Variants in PCDHGB4 observed in about 807,000 individuals in gnomAD.
The protein encoded by PCDHGB4 is protocadherin gamma-B4.
PCDHGB4 carries 38 observed loss-of-function variants against 60.5 expected under a neutral mutation model. The ratio of observed to expected loss-of-function variants is 0.63; its 90% CI spans 0.48 to 0.82. The LOEUF is 0.82. PCDHGB4 is among the 40% of genes least tolerant of loss of function. The pLI is 0.00. For missense variants in PCDHGB4, 1,109 were observed against 1,209.6 expected, an observed-to-expected ratio of 0.92 and a Z score of 1.23; for synonymous variants, 456 against 509.7, an observed-to-expected ratio of 0.89 and a Z score of 1.42.
chr5:141,427,985 C>A (rs747784722), intron 1 of PCDHGB4: 23 of 1,597,524 alleles, frequency 1.4e-5, no homozygotes, highest in Non-Finnish European at 1.9e-5. Context: ...CGCTGGGGCC[C>A]GATGGCTCCG....
At chr5:141,453,175 A>G (rs928062909) in intron 1 of PCDHGB4, among the ~76,000 whole-genome samples, 2 of 152,088 alleles carry the variant, frequency 1.3e-5, no homozygotes, top group African/African-American at 4.8e-5. Context: ...GTCCAGTGGT[A>G]CAATCACAGC....
At chr5:141,457,125 C>T (rs1011977795) in intron 1 of PCDHGB4, among the ~76,000 whole-genome samples, 3 of 152,236 alleles carry the variant, frequency 2.0e-5, no homozygotes, top group Admixed American at 6.5e-5. Flanking sequence ...GCAATGGAAA[C>T]TCTGTCCAAT....
intron 1 of PCDHGB4, among the ~76,000 whole-genome samples, chr5:141,480,960 A>G (rs954219522): frequency 1.3e-5 from 2 of 152,190 alleles, no homozygotes; most frequent in African/African-American, 4.8e-5. Context: ...CGGAAGCATC[A>G]GTGAGGGAGA....
chr5:141,439,470 T>C (rs1357441747), intron 1 of PCDHGB4, among the ~76,000 whole-genome samples: 1 of 152,220 alleles, frequency 6.6e-6, no homozygotes, highest in African/African-American at 2.4e-5. Flanking sequence ...CTGCTGCCTT[T>C]CAGCTTGCAA....
intron 1 of PCDHGB4, among the ~76,000 whole-genome samples, chr5:141,468,046 C>T (rs540273405): frequency 1.3e-4 from 20 of 152,174 alleles, no homozygotes; most frequent in Non-Finnish European, 2.8e-4. Flanking sequence ...AAAACTAAGC[C>T]GGGCACAGTG....
intron 2 of PCDHGB4, among the ~76,000 whole-genome samples, chr5:141,496,775 GCAGGGCC>G (rs1025427712): frequency 6.6e-6 from 1 of 152,038 alleles, no homozygotes; most frequent in Non-Finnish European, 1.5e-5. Flanking sequence ...TCTACTATGA[GCAGGGCC>G]CTGTGCTAAA....
intron 1 of PCDHGB4, among the ~76,000 whole-genome samples, chr5:141,469,808 A>C (rs1253675252): frequency 2.0e-5 from 3 of 152,174 alleles, no homozygotes; most frequent in Admixed American, 6.5e-5. Flanking sequence ...AAAACATTGT[A>C]GATAGAATGG....
intron 1 of PCDHGB4, among the ~76,000 whole-genome samples, chr5:141,454,420 T>C (rs889393211): frequency 6.6e-6 from 1 of 152,218 alleles, no homozygotes; most frequent in African/African-American, 2.4e-5. Context: ...TATTTATTTA[T>C]TTAGAGACAG....
At position 141,485,301 on chromosome 5, in the gene PCDHGB4, C is replaced by T; in HGVS notation, c.2398-9506C>T. 1 of 1,614,124 alleles carries T rather than the reference C, an allele frequency of 6.2e-7. No homozygotes were observed. The highest frequency in any genetic ancestry group is 1.1e-5 in the South Asian group (1 of 91,082). The stretch of plus-strand genomic sequence containing the variant: ...GTCCCAGAGGAGTCACAGGAAGGGA[C>T]TTTTGTAGGGAATGTCGCTCAAGAT... On this transcript the variant is annotated intron_variant, in intron 1 of 3. Coordinates refer to ENST00000519479, the MANE Select transcript of PCDHGB4 (RefSeq NM_003736.4). This position sits in a 1 kb window ranked among gnomAD's most constrained non-coding sequence, Gnocchi z 5.7.
At chr5:141,453,780 C>T (rs1330142662) in intron 1 of PCDHGB4, among the ~76,000 whole-genome samples, 3 of 152,090 alleles carry the variant, frequency 2.0e-5, no homozygotes, top group African/African-American at 4.8e-5. Flanking sequence ...TTTTAGTTAC[C>T]ATGGTATATT....
At chr5:141,401,599 G>A (rs368569328) in intron 1 of PCDHGB4, among the ~76,000 whole-genome samples, 22 of 152,278 alleles carry the variant, frequency 1.4e-4, no homozygotes, top group African/African-American at 4.8e-4. Context: ...CTTGAAGAAG[G>A]GGAAAAAGAC....
chr5:141,452,463 G>A (rs2098741767), intron 1 of PCDHGB4, among the ~76,000 whole-genome samples: 1 of 152,160 alleles, frequency 6.6e-6, no homozygotes, highest in African/African-American at 2.4e-5. Flanking sequence ...AGCAGACGGA[G>A]CTAGGAAAAA....
chr5:141,494,306 T>G (rs1432951954), intron 1 of PCDHGB4, among the ~76,000 whole-genome samples: 1 of 152,212 alleles, frequency 6.6e-6, no homozygotes, highest in Non-Finnish European at 1.5e-5. Flanking sequence ...AATGTGTCAC[T>G]GCACAACCTG....
chr5:141,415,110 C>G (rs1490074484), intron 1 of PCDHGB4: 2 of 1,613,548 alleles, frequency 1.2e-6, no homozygotes, highest in East Asian at 2.2e-5. Flanking sequence ...TCAAGCAAAG[C>G]CTCGTAGTGG....
chr5:141,478,856 T>G (rs1372487685), intron 1 of PCDHGB4: 2 of 1,353,224 alleles, frequency 1.5e-6, no homozygotes, highest in Non-Finnish European at 2.0e-6. Flanking sequence ...AAACACAAGA[T>G]CTCAGCGATC....
rs370286425 is a variant in PCDHGB4, at chr5:141,431,234, G to A, written c.2397+40953G>A. On this transcript the variant is annotated intron_variant, in intron 1 of 3. Coordinates refer to ENST00000519479, the MANE Select transcript of PCDHGB4 (RefSeq NM_003736.4). This position sits in a 1 kb window ranked among gnomAD's most constrained non-coding sequence, Gnocchi z 4.8. ...GCGGTTCCCTCTACCCCACGCCTGGGATCCGGATATCGGGAAGAACTCTCT... is the reference window on the plus strand; with the variant it reads ...GCGGTTCCCTCTACCCCACGCCTGGAATCCGGATATCGGGAAGAACTCTCT... 13 of 1,614,052 alleles carry A rather than the reference G, an allele frequency of 8.1e-6. No individual in the cohort carries two copies. The highest frequency in any genetic ancestry group is 2.7e-5 in the African/African-American group (2 of 74,940).
chr5:141,477,808 C>T lies in PCDHGB4; in HGVS notation c.2398-16999C>T, dbSNP rs750186099. 2.5e-6 allele frequency: 4 copies of T among 1,613,994 alleles called. No individual in the cohort carries two copies. In the African/African-American group the frequency reaches 4.0e-5, roughly 16 times the overall value. On this transcript the variant is annotated intron_variant, in intron 1 of 3. Coordinates refer to ENST00000519479, the MANE Select transcript of PCDHGB4 (RefSeq NM_003736.4). The surrounding 1 kb of genome is among the most constrained non-coding windows in gnomAD (Gnocchi z 4.9). ...TTGTCACTGATCGCAATGACAATGC[C>T]CCCCAGGTCCTATATCCTCGGCCAG...
chr5:141,413,762 C>T (rs538764130), intron 1 of PCDHGB4: 3 of 1,612,894 alleles, frequency 1.9e-6, no homozygotes, highest in Admixed American at 1.7e-5. Flanking sequence ...GTCAAGTACC[C>T]GGAGCTGGTA....
intron 1 of PCDHGB4, chr5:141,408,241 G>A: frequency 1.3e-6 from 2 of 1,580,050 alleles, no homozygotes; most frequent in Non-Finnish European, 1.7e-6. Flanking sequence ...GGGCCGGCCC[G>A]CGGCAGGTGC....
Sources: gnomAD v4.1 joint callset for allele counts (sites outside exome capture counted in the v4.1 genomes callset) on GRCh38, gnomAD v4.1.1 for gene constraint, Gnocchi (gnomAD v3.1) non-coding constraint, MANE v1.5 for transcripts, NCBI Gene and HGNC (gene_info 2026-07-23, HGNC 2026-07-21) for gene names.